The following DPYD variants were observed in gnomAD, a reference collection of about 807,000 sequenced individuals.
DPYD encodes the protein dihydropyrimidine dehydrogenase [NADP(+)].
Under a neutral mutation model 116.2 loss-of-function variants are expected in DPYD, and 109 were observed. The observed-to-expected ratio is 0.94, with a 90% CI of 0.80 to 1.10. The LOEUF (loss-of-function observed/expected upper bound fraction) is 1.10, where lower values mean the gene tolerates loss of function less well. Among genes scored for constraint, DPYD ranks in the 50% least tolerant of loss-of-function variants. The probability of loss-of-function intolerance (pLI) is 0.00; values close to 1 mark genes in which losing one functional copy is unlikely to be tolerated. For missense variants in DPYD, 1,302 were observed against 1,254.5 expected (o/e 1.04, Z -0.57); for synonymous variants, 440 against 432.0 (o/e 1.02, Z -0.23).
intron 14 of DPYD, among the ~76,000 whole-genome samples, chr1:97,389,413 ATATT>A: frequency 6.8e-6 from 1 of 146,370 alleles, no homozygotes; most frequent in East Asian, 2.1e-4. Context: ...AGTGTTGATA[ATATT>A]TATGAAAAAT....
At position 97,702,389 on chromosome 1, in the gene DPYD, G is replaced by A. The variant is rs77648655; in HGVS notation, c.484-2842C>T. Among the ~76,000 whole-genome samples, 4 of 151,412 alleles carry A rather than the reference G, an allele frequency of 2.6e-5. No individual in the cohort carries two copies. The East Asian group carries it at 7.7e-4, about 29-fold the overall frequency. ...CAGAGATATAGCTAATTTTATTTAG[G>A]GATTAAATAAATGCTAATTTCTTTC... On this transcript the variant is annotated intron_variant, in intron 5 of 22. Transcript: ENST00000370192.
At chr1:97,474,557 C>T (rs1677842717) in intron 13 of DPYD, among the ~76,000 whole-genome samples, 1 of 151,724 alleles carries the variant, frequency 6.6e-6, no homozygotes, top group African/African-American at 2.4e-5. Context: ...ATTAGATGTT[C>T]TGAATATACT....
At chr1:97,481,974 T>C (rs979960592) in intron 13 of DPYD, among the ~76,000 whole-genome samples, 4 of 152,206 alleles carry the variant, frequency 2.6e-5, no homozygotes, top group Admixed American at 2.6e-4. Flanking sequence ...TAAACCATCG[T>C]TGCATTGAAA....
intron 3 of DPYD, among the ~76,000 whole-genome samples, chr1:97,792,413 T>C (rs1264871365): frequency 2.0e-5 from 3 of 151,932 alleles, no homozygotes; most frequent in Admixed American, 6.6e-5. Context: ...CACACCCAGC[T>C]AATTTTTATA....
At chr1:97,329,969 C>T (rs745309473) in intron 16 of DPYD, among the ~76,000 whole-genome samples, 1 of 151,532 alleles carries the variant, frequency 6.6e-6, no homozygotes, top group Non-Finnish European at 1.5e-5. Flanking sequence ...TTCTAGAACA[C>T]CAAAATATGC....
chr1:97,575,498 G>A (rs1291597252), intron 10 of DPYD, among the ~76,000 whole-genome samples: 1 of 152,094 alleles, frequency 6.6e-6, no homozygotes, highest in Non-Finnish European at 1.5e-5. Context: ...TTATTTTGAA[G>A]CTATTCAATC....
At chr1:97,131,643 A>T (rs1653352705) in intron 20 of DPYD, among the ~76,000 whole-genome samples, 1 of 152,140 alleles carries the variant, frequency 6.6e-6, no homozygotes, top group South Asian at 2.1e-4. Context: ...GGATCTGAAG[A>T]AACCTGAGCA....
At chr1:97,111,387 A>G (rs1175615359) in intron 20 of DPYD, among the ~76,000 whole-genome samples, 10 of 151,970 alleles carry the variant, frequency 6.6e-5, no homozygotes, top group Non-Finnish European at 1.2e-4. Context: ...ATATATTTTA[A>G]CCACTGTCCC....
At chr1:97,723,266 G>A (rs1487387933) in intron 4 of DPYD, among the ~76,000 whole-genome samples, 1 of 151,410 alleles carries the variant, frequency 6.6e-6, no homozygotes, top group Non-Finnish European at 1.5e-5. Context: ...GTAAGAATGT[G>A]GTATGAAATT....
intron 2 of DPYD, chr1:97,855,926 G>A (rs765793006): frequency 3.9e-5 from 6 of 152,218 alleles, no homozygotes; most frequent in Non-Finnish European, 8.8e-5. Flanking sequence ...GCTTCTGTGT[G>A]AACACAAGTT....
intron 20 of DPYD, among the ~76,000 whole-genome samples, chr1:97,170,504 A>C (rs998981663): frequency 1.3e-5 from 2 of 152,050 alleles, no homozygotes; most frequent in Non-Finnish European, 2.9e-5. Context: ...GCAACCATAC[A>C]CATCTACATA....
intron 13 of DPYD, among the ~76,000 whole-genome samples, chr1:97,453,449 T>A (rs1676524646): frequency 6.6e-6 from 1 of 152,046 alleles, no homozygotes; most frequent in Admixed American, 6.6e-5. Context: ...TAAAATATCA[T>A]AGAATATAAA....
chr1:97,805,262 C>G (rs965262634), intron 3 of DPYD, among the ~76,000 whole-genome samples: 1 of 151,742 alleles, frequency 6.6e-6, no homozygotes, highest in South Asian at 2.1e-4. Flanking sequence ...GGGCAGAGAA[C>G]ACAGACTTGA....
intron 4 of DPYD, among the ~76,000 whole-genome samples, chr1:97,733,833 T>G (rs894514981): frequency 6.6e-6 from 1 of 152,038 alleles, no homozygotes; most frequent in African/African-American, 2.4e-5. Flanking sequence ...ACTTTTCAAC[T>G]TCAACAATTT....
At chr1:97,749,110 C>T (rs1385534572) in intron 3 of DPYD, among the ~76,000 whole-genome samples, 1 of 152,142 alleles carries the variant, frequency 6.6e-6, no homozygotes. Flanking sequence ...TCTCCCTTCC[C>T]TTTCTCAATT....
chr1:97,316,534 A>AATAAAATAAAATAAAATAAT (rs1667859965), intron 16 of DPYD, among the ~76,000 whole-genome samples: 1 of 150,344 alleles, frequency 6.7e-6, no homozygotes. Flanking sequence ...AATAAAATAA[A>AATAAAATAAAATAAAATAAT]ATAAAATAAA....
intron 2 of DPYD, among the ~76,000 whole-genome samples, chr1:97,828,928 TA>T: frequency 6.6e-6 from 1 of 152,078 alleles, no homozygotes; most frequent in African/African-American, 2.4e-5. Context: ...CTGAATTTTC[TA>T]AAAGTACTTT....
chr1:97,306,622 T>C (rs1440498642), intron 16 of DPYD, among the ~76,000 whole-genome samples: 1 of 151,952 alleles, frequency 6.6e-6, no homozygotes, highest in African/African-American at 2.4e-5. Flanking sequence ...ACACAAACTT[T>C]TGATGTTAAG....
At chr1:97,847,195 A>G (rs999137485) in intron 2 of DPYD, among the ~76,000 whole-genome samples, 1 of 152,244 alleles carries the variant, frequency 6.6e-6, no homozygotes, top group African/African-American at 2.4e-5. Flanking sequence ...AGGAACCACA[A>G]AATAAATTTG....
Sources: gnomAD v4.1 joint callset for allele counts (sites outside exome capture counted in the v4.1 genomes callset) on GRCh38, gnomAD v4.1.1 for gene constraint, MANE v1.5 for transcripts, NCBI Gene and HGNC (gene_info 2026-07-23, HGNC 2026-07-21) for gene names.